PPP2R5A: variants seen among roughly 807,000 people sequenced by gnomAD.
The protein encoded by PPP2R5A is protein phosphatase 2 regulatory subunit B'alpha.
PPP2R5A carries 25 observed loss-of-function variants against 64.2 expected under a neutral mutation model. That is an observed-to-expected ratio of 0.39 (90% confidence interval 0.28 to 0.54). The LOEUF is 0.54. Ranked by LOEUF, PPP2R5A falls within the 20% of genes least tolerant of loss-of-function variation. The pLI is 0.67. For missense variants in PPP2R5A, 425 were observed against 576.3 expected, an observed-to-expected ratio of 0.74 and a Z score of 2.69; for synonymous variants, 198 against 201.2, an observed-to-expected ratio of 0.98 and a Z score of 0.13.
intron 1 of PPP2R5A, among the ~76,000 whole-genome samples, chr1:212,320,805 C>CG (rs1357005246): frequency 1.5e-5 from 2 of 135,502 alleles, no homozygotes; most frequent in South Asian, 2.4e-4. Flanking sequence ...GCTGGCCGGG[C>CG]GGGGGGCTGA....
At chr1:212,342,319 C>T in intron 4 of PPP2R5A, 39 bp downstream of exon 4, 22 of 1,588,832 alleles carry the variant, frequency 1.4e-5, no homozygotes, top group Non-Finnish European at 1.8e-5. Flanking sequence ...ATATATTCAT[C>T]TTAGCAATGA....
At chr1:212,319,618 C>CTTTTTTTTTTT (rs11417541) in intron 1 of PPP2R5A, 2 of 126,968 alleles carry the variant, frequency 1.6e-5, no homozygotes, top group African/African-American at 3.3e-5. Flanking sequence ...GTTTTCTTTT[C>CTTTTTTTTTTT]TTTTTTTTTT....
At chr1:212,302,760 A>T (rs1658821111) in intron 1 of PPP2R5A, among the ~76,000 whole-genome samples, 2 of 152,308 alleles carry the variant, frequency 1.3e-5, no homozygotes, top group South Asian at 4.1e-4. Context: ...TCCTTTAGGG[A>T]TTCCTTGAGT....
At chr1:212,288,991 T>C (rs1413376360) in intron 1 of PPP2R5A, among the ~76,000 whole-genome samples, 1 of 152,350 alleles carries the variant, frequency 6.6e-6, no homozygotes, top group African/African-American at 2.4e-5. Context: ...CAAAATAATT[T>C]AGTAAGTGGG....
intron 1 of PPP2R5A, among the ~76,000 whole-genome samples, chr1:212,323,422 C>T (rs1659349020): frequency 6.6e-6 from 1 of 152,188 alleles, no homozygotes; most frequent in Non-Finnish European, 1.5e-5. Flanking sequence ...CAGCAGACTG[C>T]TCAATAGACA....
chr1:212,292,531 G>A (rs995236603), intron 1 of PPP2R5A, among the ~76,000 whole-genome samples: 1 of 152,104 alleles, frequency 6.6e-6, no homozygotes, highest in African/African-American at 2.4e-5. Context: ...GTGATGTTTG[G>A]TGCTATCTAC....
At chr1:212,348,584 A>G in intron 7 of PPP2R5A, 87 bp downstream of exon 7, 1 of 974,326 alleles carries the variant, frequency 1.0e-6, no homozygotes, top group Non-Finnish European at 1.5e-6. Context: ...CTGAGATGAC[A>G]GTTTTAAGTA....
At chr1:212,329,980 T>A (rs812074) in intron 2 of PPP2R5A, among the ~76,000 whole-genome samples, 126,268 of 152,136 alleles carry the variant, frequency 0.83, 52,777 homozygotes, top group African/African-American at 0.93. Flanking sequence ...GGGAAGACCA[T>A]TGAAAGACTA....
intron 1 of PPP2R5A, among the ~76,000 whole-genome samples, chr1:212,314,058 A>G (rs552707307): frequency 6.6e-6 from 1 of 152,286 alleles, no homozygotes; most frequent in Non-Finnish European, 1.5e-5. Context: ...ATGTTTTATA[A>G]TTATATTCAT....
intron 8 of PPP2R5A, 110 bp from the exon 9 acceptor site, chr1:212,356,516 A>C (rs1370598040): frequency 1.0e-6 from 1 of 967,124 alleles, no homozygotes; most frequent in African/African-American, 1.7e-5. Flanking sequence ...TATATTAAGC[A>C]ATATTGATTT....
At chr1:212,323,556 T>C (rs1571593887) in intron 1 of PPP2R5A, among the ~76,000 whole-genome samples, 1 of 152,222 alleles carries the variant, frequency 6.6e-6, no homozygotes, top group East Asian at 1.9e-4. Flanking sequence ...CATTAACTGC[T>C]TCTAAATACT....
chr1:212,335,614 G>A (rs1315176114), intron 3 of PPP2R5A, among the ~76,000 whole-genome samples: 4 of 152,062 alleles, frequency 2.6e-5, no homozygotes, highest in East Asian at 1.9e-4. Flanking sequence ...AAAATGGAGC[G>A]GTGTCCTAGG....
Position 212,286,032 on chromosome 1 carries a change from C to G in PPP2R5A, c.-79C>G. The G allele has an allele frequency of 7.2e-7, 1 of 1,390,728 alleles. No homozygotes were observed. Among genetic ancestry groups the G allele is most frequent in the Non-Finnish European group, 9.3e-7 (1 of 1,073,034 alleles). 86.1% of individuals were successfully genotyped at this position (1,390,728 alleles called of 1,614,324 possible). A position where few individuals can be genotyped will look rare whatever the true frequency, so the allele number is the denominator to read the frequency against. On this transcript the variant is annotated 5_prime_UTR_variant, in exon 1 of 13. Coordinates refer to ENST00000261461, the MANE Select transcript of PPP2R5A (RefSeq NM_006243.4). ...GGCGCGAGCACCCCGCGCCTCTCCC[C>G]CGCCTCCTCCTGCCGTCTCCGCCGC... is the stretch of plus-strand genomic sequence containing the variant.
At position 212,286,134 on chromosome 1, in the gene PPP2R5A, G is replaced by T. The variant is rs1352630192; in HGVS notation, c.24G>T (p.Ala8=). 1.3e-6 allele frequency: 2 copies of T among 1,583,708 alleles called. No individual in the cohort carries two copies. The highest frequency in any genetic ancestry group is 2.3e-5 in the East Asian group (1 of 43,090). Residue 8 remains alanine (A), a synonymous_variant, in exon 1 of 13, where the codon GCG becomes GCT. Transcript: ENST00000261461. MSSSSPP[A]GAASAAISAS... ...AGATGTCGTCGTCGTCGCCGCCGGC[G>T]GGGGCTGCCAGCGCCGCCATCTCGG...
intron 1 of PPP2R5A, among the ~76,000 whole-genome samples, chr1:212,314,605 G>A (rs1659110212): frequency 6.7e-6 from 1 of 149,162 alleles, no homozygotes; most frequent in South Asian, 2.1e-4. Flanking sequence ...TGCCCAGGGT[G>A]AAGTGCAGTG....
In PPP2R5A at chr1:212,356,677, G is replaced by A. The variant is rs752167620; in HGVS notation, c.978+1G>A. On this transcript the variant is annotated splice_donor_variant, in intron 9 of 12. Coordinates refer to ENST00000261461, the MANE Select transcript of PPP2R5A (RefSeq NM_006243.4). LOFTEE classifies it high-confidence loss of function. The stretch of plus-strand genomic sequence containing the variant: ...GCCAAAAACCTGCAGTCAGAAAGAG[G>A]TGGGTTTTGTTCACTAAATGTAGTG... 1 of 1,612,968 alleles carries A rather than the reference G, an allele frequency of 6.2e-7. No individual in the cohort carries two copies. Among genetic ancestry groups the A allele is most frequent in the South Asian group, 1.1e-5 (1 of 90,856 alleles).
At chr1:212,323,571 ATGTTTGGGAAAAT>A (rs1659352827) in intron 1 of PPP2R5A, among the ~76,000 whole-genome samples, 1 of 152,214 alleles carries the variant, frequency 6.6e-6, no homozygotes, top group Non-Finnish European at 1.5e-5. Context: ...AATACTTCTA[ATGTTTGGGAAAAT>A]TCAGATGTGA....
At chr1:212,320,585 C>T (rs1257552132) in intron 1 of PPP2R5A, among the ~76,000 whole-genome samples, 16 of 147,798 alleles carry the variant, frequency 1.1e-4, no homozygotes, top group African/African-American at 2.2e-4. Context: ...CTGACCCCCC[C>T]GCCTCCCTCC....
chr1:212,354,185 A>AAAAT (rs1000272128), intron 8 of PPP2R5A, among the ~76,000 whole-genome samples: 4 of 152,202 alleles, frequency 2.6e-5, no homozygotes, highest in Non-Finnish European at 4.4e-5. Context: ...CTCTGTCTCA[A>AAAAT]AAATAAATAA....
Sources: gnomAD v4.1 joint callset for allele counts (sites outside exome capture counted in the v4.1 genomes callset) on GRCh38, gnomAD v4.1.1 for gene constraint, MANE v1.5 for transcripts, NCBI Gene and HGNC (gene_info 2026-07-23, HGNC 2026-07-21) for gene names.